The following CD109 variants were observed in gnomAD, a reference collection of about 807,000 sequenced individuals.
CD109 encodes CD109 antigen.
Under a neutral mutation model 165.8 loss-of-function variants are expected in CD109, and 149 were observed. The ratio of observed to expected loss-of-function variants is 0.90; its 90% CI spans 0.79 to 1.03. CD109 has a LOEUF of 1.03. CD109 is among the 50% of genes least tolerant of loss of function. The pLI, the probability that CD109 is intolerant of heterozygous loss-of-function variation, is 0.00. For synonymous variants in CD109, 585 were observed against 592.1 expected, an observed-to-expected ratio of 0.99 and a Z score of 0.18; for missense variants, 1,712 against 1,677.8, an observed-to-expected ratio of 1.02 and a Z score of -0.36.
chr6:73,713,967 C>A (rs1418889612), intron 2 of CD109, among the ~76,000 whole-genome samples: 2 of 152,024 alleles, frequency 1.3e-5, no homozygotes. Flanking sequence ...TGGGTGGTAG[C>A]TGGTATCAGA....
rs1458798780 is a variant in CD109 at position 73,787,382 on chromosome 6, A to G, written c.2486A>G (p.Glu829Gly). ...LFPIRPTHLG[E>G]IPITVTALSP... is the part of the protein sequence containing the mutation. ...CCCATCAGGCCAACACATCTGGGAG[A>G]AATTCCTATCACAGTCACAGCTCTT... Residue 829 changes from glutamate to glycine, a missense_variant, in exon 21 of 33, where the codon GAA becomes GGA. By Grantham distance (98) the Glu-to-Gly change is moderately conservative. Coordinates refer to ENST00000287097, the MANE Select transcript of CD109 (RefSeq NM_133493.5). 1.2e-6 allele frequency: 2 copies of G among 1,614,008 alleles called. No individual in the cohort carries two copies. The highest frequency in any genetic ancestry group is 1.7e-6 in the Non-Finnish European group (2 of 1,179,998).
At chr6:73,787,915 A>G (rs1774758630) in intron 21 of CD109, among the ~76,000 whole-genome samples, 1 of 152,172 alleles carries the variant, frequency 6.6e-6, no homozygotes, top group South Asian at 2.1e-4. Flanking sequence ...GCCAAGTGTG[A>G]TTTTGAACAA....
At chr6:73,711,185 C>G (rs1432302574) in intron 2 of CD109, among the ~76,000 whole-genome samples, 1 of 152,074 alleles carries the variant, frequency 6.6e-6, no homozygotes, top group Non-Finnish European at 1.5e-5. Context: ...CTTAACCTAA[C>G]ATTTGCTTTA....
chr6:73,805,913 G>T (rs1309595069), intron 24 of CD109, among the ~76,000 whole-genome samples: 5 of 152,130 alleles, frequency 3.3e-5, no homozygotes, highest in Non-Finnish European at 7.3e-5. Context: ...TCTTAGTACA[G>T]AACAAAATGG....
At chr6:73,808,695 A>G (rs925510697) in intron 26 of CD109, among the ~76,000 whole-genome samples, 5 of 152,162 alleles carry the variant, frequency 3.3e-5, no homozygotes, top group Non-Finnish European at 7.3e-5. Flanking sequence ...CTGCATAGCA[A>G]ATGCTCAAAA....
rs184148025 is a variant in CD109, at chr6:73,740,659, C to T, written c.633+4151C>T. On this transcript the variant is annotated intron_variant, in intron 5 of 32. Transcript: ENST00000287097. ...TCTTTTGCCCAGGCCGTGGTGTGAT[C>T]TCGGCTCACTGAAACCTCCACATCC... Among the ~76,000 whole-genome samples, 259 of 143,166 alleles carry T rather than the reference C, an allele frequency of 1.8e-3. 2 individuals carry two copies. The highest frequency in any genetic ancestry group is 1.4e-3 in the Non-Finnish European group (95 of 65,946). 93.9% of individuals were successfully genotyped at this position (143,166 alleles called of 152,430 possible). A position where few individuals can be genotyped will look rare whatever the true frequency, so the allele number is the denominator to read the frequency against.
At chr6:73,699,741 T>A (rs1770992590) in intron 2 of CD109, among the ~76,000 whole-genome samples, 1 of 152,216 alleles carries the variant, frequency 6.6e-6, no homozygotes, top group Non-Finnish European at 1.5e-5. Flanking sequence ...GGGAAAACGC[T>A]GCTTCTTTCA....
chr6:73,810,220 AGATT>A (rs1350303028), intron 27 of CD109, 46 bp downstream of exon 27: 1 of 540,044 alleles, frequency 1.9e-6, no homozygotes, highest in Admixed American at 4.8e-5. Flanking sequence ...TATATAATAT[AGATT>A]TATTTATTAT....
chr6:73,702,746 T>C (rs919524891), intron 2 of CD109, among the ~76,000 whole-genome samples: 1 of 152,144 alleles, frequency 6.6e-6, no homozygotes, highest in African/African-American at 2.4e-5. Context: ...ATCTGAAAAA[T>C]AGTGGTTTCT....
intron 15 of CD109, among the ~76,000 whole-genome samples, chr6:73,778,104 T>C (rs1033172835): frequency 1.3e-5 from 2 of 152,238 alleles, no homozygotes; most frequent in African/African-American, 4.8e-5. Flanking sequence ...TTTGTAGTTC[T>C]CCTTGTAGAG....
At position 73,708,234 on chromosome 6, in the gene CD109, T is replaced by C. The variant is rs1325241215; in HGVS notation, c.247+10662T>C. 2.6e-5 allele frequency among the ~76,000 whole-genome samples: 4 copies of C among 151,728 alleles called. No homozygotes were observed. The East Asian group carries it at 7.7e-4, about 29-fold the overall frequency. ...TCATTGTTCAATTCCCACCTATGAG[T>C]GAGAACATGCGGTGTTTGGTTTTTT... On this transcript the variant is annotated intron_variant, in intron 2 of 32. Coordinates refer to ENST00000287097, the MANE Select transcript of CD109 (RefSeq NM_133493.5).
intron 3 of CD109, among the ~76,000 whole-genome samples, chr6:73,724,047 T>C (rs1772052231): frequency 6.6e-6 from 1 of 152,172 alleles, no homozygotes; most frequent in Non-Finnish European, 1.5e-5. Flanking sequence ...AAAGGAAAAA[T>C]CAGTAATATT....
At chr6:73,758,673 A>G (rs150740218) in intron 6 of CD109, among the ~76,000 whole-genome samples, 180 of 152,020 alleles carry the variant, frequency 1.2e-3, no homozygotes, top group African/African-American at 4.1e-3. Flanking sequence ...GTGAGCCACT[A>G]CTCCCAGCCT....
In CD109 at chr6:73,766,085, T is replaced by A. The variant is rs1294488046; in HGVS notation, c.1263T>A (p.Thr421=). 1 of 1,614,126 alleles carries A rather than the reference T, an allele frequency of 6.2e-7. No homozygotes were observed. The highest frequency in any genetic ancestry group is 1.1e-5 in the South Asian group (1 of 91,088). ...KMEAVQKINY[T]VPQSGTFKIE... is the part of the protein sequence containing the mutation. ...AAGCTGTTCAGAAAATAAATTATAC[T>A]GTCCCCCAAAGTGGAACTTTTAAGA... The change falls in exon 11 of 33, where the codon ACT becomes ACA. Residue 421 remains threonine, a synonymous_variant. Transcript: ENST00000287097.
chr6:73,764,806 A>G (rs1773771587), intron 10 of CD109, among the ~76,000 whole-genome samples: 1 of 151,096 alleles, frequency 6.6e-6, no homozygotes, highest in Admixed American at 6.6e-5. Context: ...ACAAAAGTGG[A>G]ACTCCATTTC....
chr6:73,817,064 C>T (rs1158126653), intron 30 of CD109, among the ~76,000 whole-genome samples: 1 of 152,130 alleles, frequency 6.6e-6, no homozygotes, highest in Non-Finnish European at 1.5e-5. Flanking sequence ...TGAGAAAAAT[C>T]TGGTATGAAG....
rs1389493793 is a variant in CD109, at chr6:73,824,057, C to G, written c.*424C>G. 1 of 153,568 alleles carries G rather than the reference C, an allele frequency of 6.5e-6. No individual in the cohort carries two copies. The highest frequency in any genetic ancestry group is 1.9e-4 in the East Asian group (1 of 5,250). 9.5% of individuals were successfully genotyped at this position (153,568 alleles called of 1,614,324 possible). ...AAACAGCCAGCAGGAGGAGCTTCAT[C>G]TGTTCCCTTCCCACCTCCAACCTAG... On this transcript the variant is annotated 3_prime_UTR_variant, in exon 33 of 33. Transcript: ENST00000287097.
intron 22 of CD109, among the ~76,000 whole-genome samples, chr6:73,789,541 C>T (rs933244115): frequency 2.6e-5 from 4 of 151,744 alleles, no homozygotes; most frequent in Non-Finnish European, 5.9e-5. Flanking sequence ...GCAAGCTCTG[C>T]TTCCCAGGTT....
chr6:73,740,307 A>AGGTAATCAGAAAGT (rs1430280911), intron 5 of CD109, among the ~76,000 whole-genome samples: 1 of 152,218 alleles, frequency 6.6e-6, no homozygotes, highest in Non-Finnish European at 1.5e-5. Flanking sequence ...ATGACTATAC[A>AGGTAATCAGAAAGT]GGTAATCAGA....
Sources: allele counts gnomAD v4.1 joint callset (sites outside exome capture counted in the v4.1 genomes callset), GRCh38; gene constraint gnomAD v4.1.1; transcripts MANE v1.5; gene names NCBI Gene and HGNC (gene_info 2026-07-23, HGNC 2026-07-21).